CDH18: variants seen among roughly 807,000 people sequenced by gnomAD.
CDH18 encodes cadherin-18.
A neutral mutation model predicts 67.9 loss-of-function variants in CDH18; 31 were observed. The ratio of observed to expected loss-of-function variants is 0.46; its 90% CI spans 0.34 to 0.62. The LOEUF is 0.62. Ranked by LOEUF, CDH18 falls within the 20% of genes least tolerant of loss-of-function variation. CDH18 has a pLI of 0.01. For missense variants in CDH18, 890 were observed against 975.5 expected (o/e 0.91, Z 1.17); for synonymous variants, 362 against 347.2 (o/e 1.04, Z -0.48).
chr5:19,636,189 T>C (rs1029653554), intron 5 of CDH18, among the ~76,000 whole-genome samples: 14 of 152,142 alleles, frequency 9.2e-5, no homozygotes, highest in Non-Finnish European at 1.8e-4. Context: ...TTTTGGAATT[T>C]AATACATATT....
intron 2 of CDH18, among the ~76,000 whole-genome samples, chr5:20,005,126 T>C (rs1736783172): frequency 1.3e-5 from 2 of 152,018 alleles, no homozygotes; most frequent in South Asian, 4.1e-4. Flanking sequence ...AATTTGAAAA[T>C]GCCAGAACTA....
chr5:19,750,329 A>G lies in CDH18; in HGVS notation c.229-3093T>C, dbSNP rs145209594. ...ATGGGGCCTGAGAGAAACCTTGAGT[A>G]TTTTGTCTTGAATTTTTTAATAAAA... On this transcript the variant is annotated intron_variant, in intron 3 of 12. Transcript: ENST00000382275. Among the ~76,000 whole-genome samples, 11 of 152,232 alleles carry G rather than the reference A, an allele frequency of 7.2e-5. No homozygotes were observed. In the East Asian group the frequency reaches 1.9e-3, roughly 27 times the overall value.
chr5:19,745,768 C>A (rs1380445927), intron 4 of CDH18, among the ~76,000 whole-genome samples: 1 of 152,074 alleles, frequency 6.6e-6, no homozygotes, highest in Non-Finnish European at 1.5e-5. Flanking sequence ...TCTGAGACTT[C>A]AGCTAAGGAA....
At chr5:19,690,139 AC>A (rs1438643061) in intron 5 of CDH18, among the ~76,000 whole-genome samples, 1 of 151,410 alleles carries the variant, frequency 6.6e-6, no homozygotes, top group Non-Finnish European at 1.5e-5. Context: ...CTAGCTGGTA[AC>A]AAGAGGAATT....
chr5:20,328,964 G>A (rs1339357639), intron 1 of CDH18, among the ~76,000 whole-genome samples: 2 of 152,050 alleles, frequency 1.3e-5, no homozygotes, highest in Non-Finnish European at 2.9e-5. Context: ...CTGGGTTACA[G>A]AGTAAGATCT....
chr5:20,462,851 T>G (rs1289717881), intron 1 of CDH18, among the ~76,000 whole-genome samples: 3 of 152,138 alleles, frequency 2.0e-5, no homozygotes, highest in Non-Finnish European at 2.9e-5. Flanking sequence ...GTAAGCTGGC[T>G]CCATGTCAAT....
chr5:19,871,513 G>A (rs1427819314), intron 2 of CDH18, among the ~76,000 whole-genome samples: 1 of 152,120 alleles, frequency 6.6e-6, no homozygotes, highest in Non-Finnish European at 1.5e-5. Context: ...GAAAAGAAAC[G>A]TTGATTCCAA....
At chr5:20,036,556 C>T (rs1739879267) in intron 2 of CDH18, among the ~76,000 whole-genome samples, 1 of 152,022 alleles carries the variant, frequency 6.6e-6, no homozygotes, top group African/African-American at 2.4e-5. Flanking sequence ...AAAATGCACA[C>T]AAGCAACGTT....
At position 19,670,923 on chromosome 5, in the gene CDH18, T is replaced by A. The variant is rs1758658089; in HGVS notation, c.643+50424A>T. On this transcript the variant is annotated intron_variant, in intron 5 of 12. Coordinates refer to ENST00000382275, the MANE Select transcript of CDH18 (RefSeq NM_004934.5). ...AAAGTCTAGAAGAATGTCTAGTTTA[T>A]TTTGTGGCTAAACCAAATGTATAAG... Among the ~76,000 whole-genome samples, 4 of 152,144 alleles carry A rather than the reference T, an allele frequency of 2.6e-5. No homozygotes were observed. The South Asian group carries it at 8.3e-4, about 32-fold the overall frequency.
intron 2 of CDH18, among the ~76,000 whole-genome samples, chr5:20,182,873 G>A (rs971333294): frequency 1.3e-5 from 2 of 151,966 alleles, no homozygotes; most frequent in Non-Finnish European, 2.9e-5. Flanking sequence ...TAAGTATTTT[G>A]TTATAGTAGC....
intron 5 of CDH18, among the ~76,000 whole-genome samples, chr5:19,639,148 A>G (rs994839260): frequency 1.3e-5 from 2 of 151,262 alleles, no homozygotes; most frequent in Non-Finnish European, 3.0e-5. Flanking sequence ...GACTACAGGC[A>G]CCCGCCACCA....
chr5:20,051,533 A>G (rs1320078537), intron 2 of CDH18, among the ~76,000 whole-genome samples: 4 of 151,996 alleles, frequency 2.6e-5, no homozygotes, highest in Admixed American at 2.6e-4. Context: ...TACTATTTCA[A>G]AATATTTTAA....
At chr5:20,260,988 AG>A (rs1346487303) in intron 1 of CDH18, among the ~76,000 whole-genome samples, 1 of 152,202 alleles carries the variant, frequency 6.6e-6, no homozygotes, top group Non-Finnish European at 1.5e-5. Context: ...TCAGGCCTAC[AG>A]GCCTGATTTA....
rs1257734444 is a variant in CDH18, at chr5:19,994,730, TATATATATAGAGAGAGAG to T, written c.-517-2734_-517-2717del. On this transcript the variant is annotated intron_variant, in intron 2 of 14. Transcript: ENST00000507958. ...ATATATATATATATATATATATATA[TATATATATAGAGAGAGAG>T]AGAGAGAGAGAGAGAGAGAGAGAGA... Among the ~76,000 whole-genome samples the T allele has an allele frequency of 2.0e-3, 33 of 16,666 alleles. 1 individual carries two copies. The highest frequency in any genetic ancestry group is 0.018 in the East Asian group (8 of 454). 10.9% of individuals were successfully genotyped at this position (16,666 alleles called of 152,430 possible).
At chr5:20,427,663 T>C (rs567458983) in intron 1 of CDH18, among the ~76,000 whole-genome samples, 1 of 151,298 alleles carries the variant, frequency 6.6e-6, no homozygotes, top group East Asian at 1.9e-4. Flanking sequence ...AAATTGCAAT[T>C]CAGCCGATTT....
chr5:20,053,490 A>G (rs975167027), intron 2 of CDH18, among the ~76,000 whole-genome samples: 2 of 151,946 alleles, frequency 1.3e-5, no homozygotes, highest in Non-Finnish European at 1.5e-5. Context: ...GCTTTCCCCT[A>G]TCTCAGTTCA....
intron 1 of CDH18, among the ~76,000 whole-genome samples, chr5:20,536,123 A>G (rs1756700428): frequency 6.6e-6 from 1 of 152,220 alleles, no homozygotes; most frequent in Non-Finnish European, 1.5e-5. Flanking sequence ...TTATGAGCAC[A>G]ACCTGAAACC....
chr5:19,593,887 T>C (rs1044749256), intron 6 of CDH18, among the ~76,000 whole-genome samples: 1 of 151,996 alleles, frequency 6.6e-6, no homozygotes, highest in Non-Finnish European at 1.5e-5. Flanking sequence ...CTTTGTTGTG[T>C]TAAAAATTTA....
chr5:20,021,810 C>T (rs1175687920), intron 2 of CDH18, among the ~76,000 whole-genome samples: 1 of 152,136 alleles, frequency 6.6e-6, no homozygotes, highest in Non-Finnish European at 1.5e-5. Flanking sequence ...AATGAACTAA[C>T]ACACATGTAA....
Sources: gnomAD v4.1 joint callset for allele counts (sites outside exome capture counted in the v4.1 genomes callset) on GRCh38, gnomAD v4.1.1 for gene constraint, MANE v1.5 for transcripts, NCBI Gene and HGNC (gene_info 2026-07-23, HGNC 2026-07-21) for gene names.